Variants in SNX13 observed in about 807,000 individuals in gnomAD.
SNX13 encodes the protein sorting nexin 13, also known as sorting nexin-13.
A neutral mutation model predicts 133.6 loss-of-function variants in SNX13; 45 were observed. That is an observed-to-expected ratio of 0.34 (90% confidence interval 0.27 to 0.43). The LOEUF (loss-of-function observed/expected upper bound fraction) is 0.43, where lower values mean the gene tolerates loss of function less well. Ranked by LOEUF, SNX13 falls within the 20% of genes least tolerant of loss-of-function variation. SNX13 has a pLI of 1.00. For synonymous variants in SNX13, 414 were observed against 373.9 expected, an observed-to-expected ratio of 1.11 and a Z score of -1.24; for missense variants, 1,032 against 1,145.1, an observed-to-expected ratio of 0.90 and a Z score of 1.43.
chr7:17,855,837 CTATT>C (rs1405135455), intron 9 of SNX13, among the ~76,000 whole-genome samples: 3 of 152,194 alleles, frequency 2.0e-5, no homozygotes, highest in African/African-American at 4.8e-5. Flanking sequence ...TCAAGTCTTA[CTATT>C]TAGGAAATGC....
chr7:17,864,415 T>A (rs899735253), intron 9 of SNX13, among the ~76,000 whole-genome samples: 1 of 152,032 alleles, frequency 6.6e-6, no homozygotes, highest in African/African-American at 2.4e-5. Flanking sequence ...GCAGAATTGG[T>A]CCAGCAAAAG....
In SNX13 at chr7:17,925,681, C is replaced by T. The variant is rs149616311; in HGVS notation, c.12+14603G>A. ...ATGGAGAAAGTATGGATTATCACAC[C>T]TTGTTAGGGAAGGCACTATCATAGA... On this transcript the variant is annotated intron_variant, in intron 1 of 25. Coordinates refer to ENST00000428135, the MANE Select transcript of SNX13 (RefSeq NM_015132.5). Among the ~76,000 whole-genome samples, 349 of 152,242 alleles carry T rather than the reference C, an allele frequency of 2.3e-3. 1 individual carries two copies. Among genetic ancestry groups the T allele is most frequent in the Non-Finnish European group, 4.2e-3 (284 of 68,016 alleles).
intron 1 of SNX13, among the ~76,000 whole-genome samples, chr7:17,919,099 G>A (rs952834351): frequency 1.3e-5 from 2 of 152,158 alleles, no homozygotes; most frequent in South Asian, 4.1e-4. Flanking sequence ...AAGAGGGGAA[G>A]AATGGAGGGA....
intron 1 of SNX13, among the ~76,000 whole-genome samples, chr7:17,909,745 G>T (rs1191643652): frequency 2.0e-5 from 3 of 152,180 alleles, no homozygotes; most frequent in South Asian, 2.1e-4. Flanking sequence ...AGAGCATCAG[G>T]AAGAACAGCT....
At chr7:17,821,822 C>T (rs1787326552) in intron 17 of SNX13, 174 bp from the exon 18 acceptor site, 7 of 649,920 alleles carry the variant, frequency 1.1e-5, no homozygotes, top group South Asian at 9.6e-5. Flanking sequence ...GGATAGATTC[C>T]CATCCTCCAT....
At chr7:17,798,852 T>G in intron 23 of SNX13, 94 bp from the exon 24 acceptor site, 5 of 1,221,572 alleles carry the variant, frequency 4.1e-6, no homozygotes, top group Non-Finnish European at 5.7e-6. Context: ...TTAATCTGGA[T>G]GTAAATTATC....
intron 1 of SNX13, among the ~76,000 whole-genome samples, chr7:17,915,352 C>G (rs1468635508): frequency 6.6e-6 from 1 of 152,214 alleles, no homozygotes; most frequent in African/African-American, 2.4e-5. Flanking sequence ...ACTTGCTGAG[C>G]AAAACCCTGA....
chr7:17,803,141 C>T (rs1467949670), intron 21 of SNX13, among the ~76,000 whole-genome samples: 1 of 152,080 alleles, frequency 6.6e-6, no homozygotes, highest in East Asian at 1.9e-4. Context: ...TGAAATAAAA[C>T]AAGATAAAGA....
intron 7 of SNX13, among the ~76,000 whole-genome samples, chr7:17,874,344 C>T (rs1794453465): frequency 6.6e-6 from 1 of 152,078 alleles, no homozygotes; most frequent in Non-Finnish European, 1.5e-5. Context: ...AGATACTAGT[C>T]TATGTGTTAA....
At chr7:17,861,964 C>T (rs146035746) in intron 9 of SNX13, among the ~76,000 whole-genome samples, 2,931 of 152,292 alleles carry the variant, frequency 0.019, 32 homozygotes, top group Non-Finnish European at 0.028. Context: ...CAGTCAAATT[C>T]TTTCTTGAGG....
chr7:17,921,699 C>T (rs1374157581), intron 1 of SNX13, among the ~76,000 whole-genome samples: 1 of 152,192 alleles, frequency 6.6e-6, no homozygotes, highest in Admixed American at 6.5e-5. Flanking sequence ...CCAGCTTACG[C>T]CACATACAAA....
intron 1 of SNX13, among the ~76,000 whole-genome samples, chr7:17,938,427 G>A (rs1455043741): frequency 6.6e-6 from 1 of 152,098 alleles, no homozygotes. Flanking sequence ...ATCTATAAAC[G>A]ACTACTGAAA....
At chr7:17,796,051 C>T (rs1236873381) in intron 25 of SNX13, 2 of 151,656 alleles carry the variant, frequency 1.3e-5, no homozygotes, top group Non-Finnish European at 3.0e-5. Flanking sequence ...TCATTCTCTA[C>T]ATCCAGAATT....
rs1403624514 is a variant in SNX13 at position 17,843,440 on chromosome 7, CAG to C, written c.1165+2153_1165+2154del. On this transcript the variant is annotated intron_variant, in intron 12 of 25. Transcript: ENST00000428135. ...ATCACCAAAATATATGAAGCAAAAACAGACAGATTTGAAGGGAAAAAGAGACA... is the reference window on the plus strand; with the variant it reads ...ATCACCAAAATATATGAAGCAAAAACACAGATTTGAAGGGAAAAAGAGACA... Among the ~76,000 whole-genome samples the C allele has an allele frequency of 3.3e-5, 5 of 152,014 alleles. No individual in the cohort carries two copies. In the East Asian group the frequency reaches 5.8e-4, roughly 18 times the overall value.
chr7:17,810,674 C>CAA (rs1156652534), intron 20 of SNX13, among the ~76,000 whole-genome samples: 1 of 152,114 alleles, frequency 6.6e-6, no homozygotes, highest in Non-Finnish European at 1.5e-5. Context: ...AACCTGATAC[C>CAA]AAAACCTGTC....
At chr7:17,811,132 T>C (rs1785964926) in intron 20 of SNX13, among the ~76,000 whole-genome samples, 1 of 152,294 alleles carries the variant, frequency 6.6e-6, no homozygotes, top group South Asian at 2.1e-4. Context: ...CAACACAGTA[T>C]TGGAAGGATG....
chr7:17,826,028 C>A lies in SNX13; in HGVS notation c.1699G>T (p.Asp567Tyr). The A allele has an allele frequency of 6.5e-7, 1 of 1,541,418 alleles. No individual in the cohort carries two copies. Among genetic ancestry groups the A allele is most frequent in the South Asian group, 1.2e-5 (1 of 80,066 alleles). The stretch of plus-strand genomic sequence containing the variant: ...ATACTTCAAACTCTCTTACCTGTGT[C>A]TGAAATGTAGGCATGAAGTTGTACT... ...DSVQLHAYIS[D>Y]TGVCNDHGKT... The change falls in exon 17 of 26, where the codon GAC becomes TAC. Residue 567 changes from aspartate (D) to tyrosine (Y), a missense_variant. By Grantham distance (160) the Asp-to-Tyr change is radical (BLOSUM62 -3). Transcript: ENST00000428135.
intron 7 of SNX13, among the ~76,000 whole-genome samples, 184 bp from the exon 8 acceptor site, chr7:17,873,800 A>G (rs1398914945): frequency 6.6e-6 from 1 of 152,184 alleles, no homozygotes; most frequent in African/African-American, 2.4e-5. Context: ...AGTAGTAACT[A>G]TTCATTAATC....
intron 22 of SNX13, among the ~76,000 whole-genome samples, chr7:17,800,572 C>T (rs1445893769): frequency 6.6e-6 from 1 of 151,756 alleles, no homozygotes; most frequent in Non-Finnish European, 1.5e-5. Flanking sequence ...TATAGGACAT[C>T]TCTGTGACCC....
Sources: gnomAD v4.1 joint callset for allele counts (sites outside exome capture counted in the v4.1 genomes callset) on GRCh38, gnomAD v4.1.1 for gene constraint, MANE v1.5 for transcripts, NCBI Gene and HGNC (gene_info 2026-07-23, HGNC 2026-07-21) for gene names.